Variants in DOCK9 observed in about 807,000 individuals in gnomAD.
DOCK9 encodes the protein dedicator of cytokinesis protein 9.
In DOCK9, 89 loss-of-function variants were observed where a neutral mutation model predicts 263.3. The ratio of observed to expected loss-of-function variants is 0.34; its 90% CI spans 0.28 to 0.40. DOCK9 has a LOEUF of 0.40. Ranked by LOEUF, DOCK9 falls within the 10% of genes least tolerant of loss-of-function variation. The pLI is 1.00. For missense variants in DOCK9, 2,140 were observed against 2,603.4 expected (o/e 0.82, Z 3.87); for synonymous variants, 976 against 973.1 (o/e 1.00, Z -0.06).
At chr13:99,085,945 G>A (rs987619731) in intron 1 of DOCK9, among the ~76,000 whole-genome samples, 3 of 152,096 alleles carry the variant, frequency 2.0e-5, no homozygotes, top group Non-Finnish European at 2.9e-5. Context: ...AAGAGTGACA[G>A]GGCGACATCA....
chr13:98,795,177 T>G (rs559518638), intron 52 of DOCK9, among the ~76,000 whole-genome samples: 45 of 152,372 alleles, frequency 3.0e-4, no homozygotes, highest in Non-Finnish European at 6.0e-4. Flanking sequence ...TAAGGCAACG[T>G]GAGGTCTACT....
intron 1 of DOCK9, among the ~76,000 whole-genome samples, chr13:99,047,101 T>C (rs1448768577): frequency 1.3e-5 from 2 of 152,044 alleles, no homozygotes; most frequent in Admixed American, 6.6e-5. Context: ...TTCATGGGGG[T>C]CAAATAAATA....
intron 1 of DOCK9, among the ~76,000 whole-genome samples, chr13:99,006,618 A>G (rs1378841516): frequency 6.6e-6 from 1 of 152,220 alleles, no homozygotes; most frequent in Non-Finnish European, 1.5e-5. Flanking sequence ...CCCTTTTTTA[A>G]TATTTGCAGA....
chr13:98,795,609 C>T (rs961429494), intron 52 of DOCK9, among the ~76,000 whole-genome samples: 5 of 152,154 alleles, frequency 3.3e-5, no homozygotes, highest in African/African-American at 9.7e-5. Flanking sequence ...TGCCCAATGT[C>T]GGCACCCACT....
intron 9 of DOCK9, among the ~76,000 whole-genome samples, chr13:98,913,793 T>C (rs1277755417): frequency 2.6e-5 from 4 of 152,172 alleles, no homozygotes; most frequent in Admixed American, 6.5e-5. Context: ...AGCAGTATGG[T>C]TGATTTGCTT....
intron 1 of DOCK9, among the ~76,000 whole-genome samples, chr13:98,967,549 G>A (rs1455838050): frequency 3.3e-5 from 5 of 152,188 alleles, no homozygotes; most frequent in Non-Finnish European, 5.9e-5. Flanking sequence ...TGAACAGTAC[G>A]CATGATGGTA....
At chr13:98,984,177 G>T (rs151305557) in intron 1 of DOCK9, among the ~76,000 whole-genome samples, 1 of 152,232 alleles carries the variant, frequency 6.6e-6, no homozygotes, top group Non-Finnish European at 1.5e-5. Context: ...GAGGCCTGGA[G>T]TGAGGAGCTA....
At chr13:98,971,397 T>C (rs373289147) in intron 1 of DOCK9, among the ~76,000 whole-genome samples, 1 of 152,174 alleles carries the variant, frequency 6.6e-6, no homozygotes, top group East Asian at 1.9e-4. Flanking sequence ...ACCTGGATCA[T>C]CTATAAATTT....
At chr13:98,814,561 A>T (rs2091632699) in intron 45 of DOCK9, among the ~76,000 whole-genome samples, 1 of 152,072 alleles carries the variant, frequency 6.6e-6, no homozygotes, top group African/African-American at 2.4e-5. Flanking sequence ...GTGTGCCACC[A>T]CGCCCAGCTA....
intron 45 of DOCK9, among the ~76,000 whole-genome samples, chr13:98,819,088 C>T (rs2092098347): frequency 6.6e-6 from 1 of 152,138 alleles, no homozygotes; most frequent in African/African-American, 2.4e-5. Context: ...TCATCATTTC[C>T]CAAGGTACAG....
upstream of DOCK9, among the ~76,000 whole-genome samples, chr13:98,981,652 A>G (rs1877236927): frequency 2.0e-5 from 3 of 152,328 alleles, no homozygotes; most frequent in South Asian, 6.2e-4. Flanking sequence ...TTCCCATCAC[A>G]CAACTTCTCA....
At chr13:98,930,109 A>G in intron 3 of DOCK9, 59 bp downstream of exon 3, 1 of 1,439,664 alleles carries the variant, frequency 6.9e-7, no homozygotes, top group Non-Finnish European at 9.6e-7. Context: ...TTTAAAGAAA[A>G]GGAGGCAGTT....
chr13:98,882,139 TC>T, intron 23 of DOCK9, 132 bp from the exon 24 acceptor site: 1 of 733,718 alleles, frequency 1.4e-6, no homozygotes, highest in Non-Finnish European at 2.3e-6. Flanking sequence ...GGGCAGAATG[TC>T]CCCAGAGGCG....
intron 1 of DOCK9, among the ~76,000 whole-genome samples, chr13:99,068,129 C>T (rs2041506979): frequency 6.6e-6 from 1 of 152,118 alleles, no homozygotes; most frequent in South Asian, 2.1e-4. Context: ...TTCAAGAAAC[C>T]CTCATCTGCT....
intron 1 of DOCK9, among the ~76,000 whole-genome samples, chr13:99,079,769 G>A (rs1365790163): frequency 6.6e-6 from 1 of 152,110 alleles, no homozygotes; most frequent in African/African-American, 2.4e-5. Context: ...GCCGGGCGTG[G>A]TGGCTCATGC....
At position 98,797,187 on chromosome 13, in the gene DOCK9, G is replaced by A. The variant is rs55665657; in HGVS notation, c.6084C>T (p.Leu2028=). 7 of 1,613,722 alleles carry A rather than the reference G, an allele frequency of 4.3e-6. No individual in the cohort carries two copies. The East Asian group carries it at 8.9e-5, about 21-fold the overall frequency. The stretch of plus-strand genomic sequence containing the variant: ...TGGCTTTCATTTCTTCCTGATACTC[G>A]AGCTGGTCTTCTTTAATCAGACGTT... The part of the protein sequence containing the change: ...VNERLIKEDQ[L]EYQEEMKANY... Residue 2028 remains leucine, a synonymous_variant, in exon 52 of 53, where the codon CTC becomes CTT. Transcript: ENST00000682017.
At chr13:98,975,783 T>C (rs1468525605) in intron 1 of DOCK9, among the ~76,000 whole-genome samples, 1 of 152,264 alleles carries the variant, frequency 6.6e-6, no homozygotes, top group Non-Finnish European at 1.5e-5. Context: ...GCATGTTACC[T>C]ACATTTAAAC....
At chr13:99,025,684 G>A (rs1886625012) in intron 1 of DOCK9, among the ~76,000 whole-genome samples, 1 of 152,188 alleles carries the variant, frequency 6.6e-6, no homozygotes. Flanking sequence ...GTATGATCCA[G>A]CAATTCCACT....
chr13:99,081,525 G>A (rs1169029963), intron 1 of DOCK9, among the ~76,000 whole-genome samples: 1 of 152,264 alleles, frequency 6.6e-6, no homozygotes, highest in Admixed American at 6.5e-5. Context: ...AAGCCGGGCA[G>A]CCAGAAGACT....
Sources: allele counts gnomAD v4.1 joint callset (sites outside exome capture counted in the v4.1 genomes callset), GRCh38; gene constraint gnomAD v4.1.1; transcripts MANE v1.5; gene names NCBI Gene and HGNC (gene_info 2026-07-23, HGNC 2026-07-21).